Variants in RYR3 observed in about 807,000 individuals in gnomAD.
The protein encoded by RYR3 is ryanodine receptor 3.
RYR3 carries 207 observed loss-of-function variants against 584.3 expected under a neutral mutation model. The observed-to-expected ratio is 0.35, with a 90% CI of 0.32 to 0.40. The LOEUF (loss-of-function observed/expected upper bound fraction) is 0.40. Ranked by LOEUF, RYR3 falls within the 10% of genes least tolerant of loss-of-function variation. RYR3 has a pLI of 1.00. For synonymous variants in RYR3, 2,416 were observed against 2,248.5 expected, an observed-to-expected ratio of 1.07 and a Z score of -2.11; for missense variants, 5,616 against 6,089.2, an observed-to-expected ratio of 0.92 and a Z score of 2.59.
intron 18 of RYR3, among the ~76,000 whole-genome samples, chr15:33,612,839 A>G (rs1042050323): frequency 2.0e-5 from 3 of 152,206 alleles, no homozygotes; most frequent in Admixed American, 1.3e-4. Context: ...CACCAGCAAA[A>G]GCAGTCTGTC....
intron 1 of RYR3, among the ~76,000 whole-genome samples, chr15:33,457,975 C>A (rs2142039249): frequency 6.6e-6 from 1 of 152,302 alleles, no homozygotes; most frequent in Admixed American, 6.5e-5. Context: ...AGCACGTTTC[C>A]TATCATCAGT....
At chr15:33,840,314 G>A (rs1486085095) in intron 89 of RYR3, among the ~76,000 whole-genome samples, 1 of 152,182 alleles carries the variant, frequency 6.6e-6, no homozygotes, top group African/African-American at 2.4e-5. Flanking sequence ...CGAGTCAAAT[G>A]GTACAAGATG....
intron 1 of RYR3, among the ~76,000 whole-genome samples, chr15:33,438,745 G>A (rs935305580): frequency 3.9e-5 from 6 of 152,016 alleles, no homozygotes; most frequent in South Asian, 2.1e-4. Flanking sequence ...TCAGGTCTTC[G>A]TCAATGTCTT....
intron 16 of RYR3, among the ~76,000 whole-genome samples, chr15:33,590,735 A>G (rs1331507186): frequency 6.6e-6 from 1 of 151,600 alleles, no homozygotes; most frequent in Admixed American, 6.6e-5. Flanking sequence ...GAGAGCTCCT[A>G]TGGGTTCATG....
At position 33,503,401 on chromosome 15, in the gene RYR3, C is replaced by T. The variant is rs530145578; in HGVS notation, c.172-230C>T. ...ATGAACCACCAGCCTTCCCTCAAGT[C>T]GATCCTGACATGTTGGAAACTATTC... On this transcript the variant is annotated intron_variant, in intron 2 of 103. Coordinates refer to ENST00000634891, the MANE Select transcript of RYR3 (RefSeq NM_001036.6). Among the ~76,000 whole-genome samples, 11 of 152,296 alleles carry T rather than the reference C, an allele frequency of 7.2e-5. No homozygotes were observed. The South Asian group carries it at 2.1e-3, about 29-fold the overall frequency.
chr15:33,523,334 T>A (rs547885010), intron 3 of RYR3, among the ~76,000 whole-genome samples: 1 of 152,256 alleles, frequency 6.6e-6, no homozygotes, highest in East Asian at 1.9e-4. Context: ...TTGCTGCTGC[T>A]CACTCTTTGG....
In RYR3 at chr15:33,865,235, C is replaced by G. The variant is rs41280044; in HGVS notation, c.*9C>G. The G allele has an allele frequency of 0.037, 59,392 of 1,600,022 alleles. 1,466 individuals carry two copies. Among genetic ancestry groups the G allele is most frequent in the Non-Finnish European group, 0.039 (45,855 of 1,167,990 alleles). On this transcript the variant is annotated 3_prime_UTR_variant, in exon 104 of 104. Coordinates refer to ENST00000634891, the MANE Select transcript of RYR3 (RefSeq NM_001036.6). ...AAGATCAGCTTGGATAAATCTGAAT[C>G]AAAGAAGCGCGACAATTCTGGACAG...
intron 86 of RYR3, among the ~76,000 whole-genome samples, chr15:33,833,139 A>G (rs917792814): frequency 6.6e-6 from 1 of 152,200 alleles, no homozygotes; most frequent in Admixed American, 6.5e-5. Flanking sequence ...GCGTGGCTTT[A>G]TAAGAAATAA....
chr15:33,496,024 T>C (rs1241724975), intron 2 of RYR3, among the ~76,000 whole-genome samples: 1 of 152,212 alleles, frequency 6.6e-6, no homozygotes, highest in Non-Finnish European at 1.5e-5. Flanking sequence ...CCTATCCTGA[T>C]GCTGTCCCAT....
At chr15:33,858,891 A>G (rs2080022098) in intron 99 of RYR3, 1 of 152,438 alleles carries the variant, frequency 6.6e-6, no homozygotes, top group Admixed American at 6.5e-5. Context: ...AAAACTCTCC[A>G]TGTGCTTTCT....
At chr15:33,740,422 G>A (rs1195847396) in intron 51 of RYR3, among the ~76,000 whole-genome samples, 4 of 152,130 alleles carry the variant, frequency 2.6e-5, no homozygotes, top group South Asian at 2.1e-4. Flanking sequence ...GCAAGGCTGC[G>A]GTGTGATGGC....
chr15:33,841,973 A>G lies in RYR3; in HGVS notation c.13147A>G (p.Lys4383Glu), dbSNP rs754818587. The change falls in exon 91 of 104, where the codon AAG becomes GAG. Residue 4383 changes from lysine to glutamate, a missense_variant. By Grantham distance (56) the Lys-to-Glu change is moderately conservative. Coordinates refer to ENST00000634891, the MANE Select transcript of RYR3 (RefSeq NM_001036.6). ...GCGGCGGTGTGGTCAGAAGGTTGAG[A>G]AGCCGGAAGCTTTCACAGCCAATTT... is the stretch of plus-strand genomic sequence containing the variant. ...KKRRCGQKVE[K>E]PEAFTANFFK... is the part of the protein sequence containing the mutation. 8.7e-6 allele frequency: 14 copies of G among 1,603,576 alleles called. No individual in the cohort carries two copies. The highest frequency in any genetic ancestry group is 9.4e-6 in the Non-Finnish European group (11 of 1,174,878).
At position 33,755,287 on chromosome 15, in the gene RYR3, G is replaced by A; in HGVS notation, c.8515+107G>A. On this transcript the variant is annotated intron_variant, in intron 58 of 103. Coordinates refer to ENST00000634891, the MANE Select transcript of RYR3 (RefSeq NM_001036.6). Reference sequence around the variant, plus strand: ...GATTCATTTAGGTGCATGATTTTAGGGGGAAAACAGTGGCTGAAATTTTTT... The same window carrying A: ...GATTCATTTAGGTGCATGATTTTAGAGGGAAAACAGTGGCTGAAATTTTTT... 5.4e-6 allele frequency: 4 copies of A among 735,810 alleles called. No homozygotes were observed. In the South Asian group the frequency reaches 7.1e-5, roughly 13 times the overall value. 45.6% of individuals were successfully genotyped at this position (735,810 alleles called of 1,614,324 possible).
At chr15:33,858,607 G>GGATT (rs923529881) in intron 99 of RYR3, 51 of 36,102 alleles carry the variant, frequency 1.4e-3, no homozygotes, top group African/African-American at 2.0e-3. Context: ...CCATGGACCG[G>GGATT]GATTAAGCAC....
intron 60 of RYR3, among the ~76,000 whole-genome samples, chr15:33,765,457 AC>A (rs1404723884): frequency 6.6e-6 from 1 of 151,658 alleles, no homozygotes; most frequent in African/African-American, 2.4e-5. Flanking sequence ...ACATGATAAA[AC>A]CCCGTCTCTA....
At chr15:33,469,637 G>A (rs1490224892) in intron 1 of RYR3, among the ~76,000 whole-genome samples, 1 of 152,014 alleles carries the variant, frequency 6.6e-6, no homozygotes, top group African/African-American at 2.4e-5. Context: ...GACTGAAAAA[G>A]AAGCCTTTCA....
intron 1 of RYR3, among the ~76,000 whole-genome samples, chr15:33,332,816 G>T (rs1262488934): frequency 1.3e-5 from 2 of 151,902 alleles, no homozygotes; most frequent in Admixed American, 6.6e-5. Flanking sequence ...GCAATACTTA[G>T]AAAAAAATCT....
At chr15:33,604,631 G>T (rs2059821576) in intron 18 of RYR3, among the ~76,000 whole-genome samples, 1 of 152,178 alleles carries the variant, frequency 6.6e-6, no homozygotes, top group African/African-American at 2.4e-5. Context: ...ATTCAAAATG[G>T]CAGGATGATG....
chr15:33,331,456 T>C (rs1970369212), intron 1 of RYR3, among the ~76,000 whole-genome samples: 1 of 152,158 alleles, frequency 6.6e-6, no homozygotes, highest in South Asian at 2.1e-4. Flanking sequence ...TAATTTTTGG[T>C]AGCGAATTAA....
Sources: gnomAD v4.1 joint callset for allele counts (sites outside exome capture counted in the v4.1 genomes callset) on GRCh38, gnomAD v4.1.1 for gene constraint, MANE v1.5 for transcripts, NCBI Gene and HGNC (gene_info 2026-07-23, HGNC 2026-07-21) for gene names.